ANGPT1: variants seen among roughly 807,000 people sequenced by gnomAD.
The protein encoded by ANGPT1 is angiopoietin-1.
In ANGPT1, 17 loss-of-function variants were observed where a neutral mutation model predicts 62.2. The observed-to-expected ratio is 0.27, with a 90% CI of 0.19 to 0.41. ANGPT1 has a LOEUF of 0.41. ANGPT1 is among the 10% of genes least tolerant of loss of function. ANGPT1 has a pLI of 1.00. For missense variants in ANGPT1, 478 were observed against 594.9 expected, an observed-to-expected ratio of 0.80 and a Z score of 2.04; for synonymous variants, 199 against 198.9, an observed-to-expected ratio of 1.00 and a Z score of 0.00.
At chr8:107,468,866 C>A (rs772632029) in intron 1 of ANGPT1, among the ~76,000 whole-genome samples, 14 of 151,998 alleles carry the variant, frequency 9.2e-5, no homozygotes, top group Non-Finnish European at 1.9e-4. Flanking sequence ...CAGTTTTCCT[C>A]CCCTGTTCTT....
chr8:107,409,783 C>T (rs957696103), intron 1 of ANGPT1, among the ~76,000 whole-genome samples: 5 of 150,840 alleles, frequency 3.3e-5, no homozygotes, highest in South Asian at 4.2e-4. Context: ...TCTAAAGTTT[C>T]GGAACCCTCA....
chr8:107,415,082 G>A (rs1307467276), intron 1 of ANGPT1, among the ~76,000 whole-genome samples: 1 of 152,116 alleles, frequency 6.6e-6, no homozygotes. Flanking sequence ...CTCTGATCAA[G>A]GAATGTGGGT....
chr8:107,392,240 C>T lies in ANGPT1; in HGVS notation c.298-45143G>A, dbSNP rs374000456. 1.3e-4 allele frequency among the ~76,000 whole-genome samples: 19 copies of T among 151,888 alleles called. No homozygotes were observed. In the East Asian group the frequency reaches 2.1e-3, roughly 17 times the overall value. On this transcript the variant is annotated intron_variant, in intron 1 of 8. Transcript: ENST00000517746. ...TTTTTATTCCAGTAGGATAGATTTCCGAAGTTATGTGTCATATTGCAATCC... is the reference window on the plus strand; with the variant it reads ...TTTTTATTCCAGTAGGATAGATTTCTGAAGTTATGTGTCATATTGCAATCC...
intron 2 of ANGPT1, among the ~76,000 whole-genome samples, chr8:107,339,693 C>A (rs1815653138): frequency 6.6e-6 from 1 of 152,168 alleles, no homozygotes; most frequent in African/African-American, 2.4e-5. Flanking sequence ...CATCTGGAGT[C>A]CTCTAAGCCT....
chr8:107,336,394 A>G (rs907746979), intron 2 of ANGPT1, 123 bp from the exon 3 acceptor site: 2 of 1,375,058 alleles, frequency 1.5e-6, no homozygotes, highest in Non-Finnish European at 9.4e-7. Context: ...CGCCGGGCGC[A>G]GTGGCTCACG....
intron 4 of ANGPT1, among the ~76,000 whole-genome samples, chr8:107,310,957 G>GTA (rs1437134047): frequency 2.8e-4 from 19 of 66,866 alleles, no homozygotes; most frequent in Non-Finnish European, 3.8e-4. Context: ...GTGTATGTAT[G>GTA]TGTGTGTGTA....
chr8:107,300,102 T>C (rs1385539665), intron 5 of ANGPT1, among the ~76,000 whole-genome samples: 3 of 145,282 alleles, frequency 2.1e-5, no homozygotes, highest in Non-Finnish European at 4.5e-5. Context: ...TATATATCTC[T>C]ATATATCTAT....
chr8:107,377,821 T>G (rs1183041223), intron 1 of ANGPT1, among the ~76,000 whole-genome samples: 1 of 152,010 alleles, frequency 6.6e-6, no homozygotes, highest in East Asian at 1.9e-4. Context: ...AACAGATGAG[T>G]GCATTGAATA....
chr8:107,298,810 G>C (rs1031500644), intron 5 of ANGPT1, among the ~76,000 whole-genome samples: 2 of 151,710 alleles, frequency 1.3e-5, no homozygotes, highest in African/African-American at 4.8e-5. Flanking sequence ...TGATGCTTCG[G>C]TTTTTGTGTA....
At chr8:107,293,753 G>A (rs939993225) in intron 6 of ANGPT1, among the ~76,000 whole-genome samples, 183 bp downstream of exon 6, 7 of 152,058 alleles carry the variant, frequency 4.6e-5, no homozygotes, top group East Asian at 1.9e-4. Context: ...TGACGCACAC[G>A]TGGAAATCAT....
chr8:107,397,002 A>C (rs1586288042), intron 1 of ANGPT1, among the ~76,000 whole-genome samples: 1 of 152,118 alleles, frequency 6.6e-6, no homozygotes, highest in East Asian at 1.9e-4. Context: ...AGAAAGAAGA[A>C]AGGGATGCTG....
At chr8:107,430,099 G>T (rs1421731333) in intron 1 of ANGPT1, among the ~76,000 whole-genome samples, 3 of 151,958 alleles carry the variant, frequency 2.0e-5, no homozygotes, top group African/African-American at 4.8e-5. Context: ...TTTTTTGTTT[G>T]TGTGTGTGTT....
At chr8:107,395,554 T>C (rs1435772221) in intron 1 of ANGPT1, among the ~76,000 whole-genome samples, 1 of 152,180 alleles carries the variant, frequency 6.6e-6, no homozygotes, top group Non-Finnish European at 1.5e-5. Context: ...TTCATTGATT[T>C]ATGGAAGTCT....
intron 1 of ANGPT1, among the ~76,000 whole-genome samples, chr8:107,455,248 G>A (rs186074159): frequency 2.0e-5 from 3 of 152,150 alleles, no homozygotes; most frequent in East Asian, 1.9e-4. Context: ...ACTGTTTCCT[G>A]TAAGTTTACT....
At chr8:107,259,534 A>G (rs1813445505) in intron 8 of ANGPT1, among the ~76,000 whole-genome samples, 1 of 152,170 alleles carries the variant, frequency 6.6e-6, no homozygotes, top group Non-Finnish European at 1.5e-5. Context: ...GGGAAAAGAA[A>G]TGAGAGTTTC....
At chr8:107,370,114 G>A (rs1816352828) in intron 1 of ANGPT1, among the ~76,000 whole-genome samples, 1 of 149,090 alleles carries the variant, frequency 6.7e-6, no homozygotes, top group Non-Finnish European at 1.5e-5. Flanking sequence ...TCCAGCCTGG[G>A]CAACAGAGCA....
chr8:107,463,764 G>A (rs1012930071), intron 1 of ANGPT1, among the ~76,000 whole-genome samples: 3 of 151,996 alleles, frequency 2.0e-5, no homozygotes, highest in Non-Finnish European at 2.9e-5. Context: ...CTTTTAAAAA[G>A]TAAAAGTTCC....
intron 2 of ANGPT1, among the ~76,000 whole-genome samples, chr8:107,345,363 A>G (rs555244122): frequency 2.6e-5 from 4 of 152,252 alleles, no homozygotes; most frequent in Admixed American, 2.6e-4. Flanking sequence ...ATCTCTCAAT[A>G]CCTTACATAG....
intron 1 of ANGPT1, among the ~76,000 whole-genome samples, chr8:107,362,690 A>G (rs1816190352): frequency 6.6e-6 from 1 of 152,208 alleles, no homozygotes; most frequent in Non-Finnish European, 1.5e-5. Flanking sequence ...TGTGTTTAAT[A>G]TGAGATGTGT....
Sources: allele counts gnomAD v4.1 joint callset (sites outside exome capture counted in the v4.1 genomes callset), GRCh38; gene constraint gnomAD v4.1.1; transcripts MANE v1.5; gene names NCBI Gene and HGNC (gene_info 2026-07-23, HGNC 2026-07-21).